The following RASEF variants were observed in gnomAD, a reference collection of about 807,000 sequenced individuals.
RASEF encodes the protein RAS and EF-hand domain containing, also known as ras and EF-hand domain-containing protein.
RASEF carries 68 observed loss-of-function variants against 90.1 expected under a neutral mutation model. The observed-to-expected ratio is 0.75, with a 90% CI of 0.62 to 0.92. The LOEUF is 0.92. Among genes scored for constraint, RASEF ranks in the 40% least tolerant of loss-of-function variants. The pLI is 0.00. For synonymous variants in RASEF, 331 were observed against 345.2 expected (o/e 0.96, Z 0.46); for missense variants, 949 against 937.2 (o/e 1.01, Z -0.16).
At chr9:83,103,731 G>A in the RASEF span, among the ~76,000 whole-genome samples, 15 of 152,236 alleles carry the variant, frequency 9.9e-5, no homozygotes, top group South Asian at 2.9e-3. Flanking sequence ...TTATGATTGT[G>A]AATCAAAAGC....
At chr9:83,096,467 AG>A in the RASEF span, among the ~76,000 whole-genome samples, 1 of 152,118 alleles carries the variant, frequency 6.6e-6, no homozygotes, top group Non-Finnish European at 1.5e-5. Context: ...CGCATGAAAA[AG>A]CACCTGAGGG....
At chr9:83,158,176 A>C in the RASEF span, among the ~76,000 whole-genome samples, 1 of 152,178 alleles carries the variant, frequency 6.6e-6, no homozygotes, top group Non-Finnish European at 1.5e-5. Flanking sequence ...AAAATGGACA[A>C]TCATGCAAGG....
chr9:83,042,474 T>C (rs1829860053), intron 1 of RASEF, among the ~76,000 whole-genome samples: 1 of 152,204 alleles, frequency 6.6e-6, no homozygotes, highest in South Asian at 2.1e-4. Flanking sequence ...CTACTTCTTA[T>C]TTGTATTCAA....
chr9:83,159,430 T>G, the RASEF span, among the ~76,000 whole-genome samples: 1 of 152,152 alleles, frequency 6.6e-6, no homozygotes, highest in Admixed American at 6.5e-5. Context: ...ACTTCAGCTT[T>G]TATGATTTGC....
chr9:83,144,392 G>GAAAGA, the RASEF span, among the ~76,000 whole-genome samples: 32 of 3,458 alleles, frequency 9.3e-3, 2 homozygotes, highest in South Asian at 0.046. Context: ...AGAAAGAAAG[G>GAAAGA]AAAGAAAGAA....
At chr9:83,109,843 T>A in the RASEF span, among the ~76,000 whole-genome samples, 1 of 152,178 alleles carries the variant, frequency 6.6e-6, no homozygotes, top group Non-Finnish European at 1.5e-5. Flanking sequence ...TAAGACTGAA[T>A]TATTTTTCCT....
intron 15 of RASEF, among the ~76,000 whole-genome samples, chr9:82,990,952 C>T (rs896493584): frequency 3.3e-5 from 5 of 152,318 alleles, no homozygotes; most frequent in South Asian, 2.1e-4. Flanking sequence ...ATTATTCAAC[C>T]TCCCAGCCAT....
chr9:83,090,517 C>A, the RASEF span, among the ~76,000 whole-genome samples: 1 of 152,050 alleles, frequency 6.6e-6, no homozygotes, highest in African/African-American at 2.4e-5. Context: ...GATTCTCCTG[C>A]CTCAGAGTCC....
At chr9:83,147,043 T>TATATAC in the RASEF span, among the ~76,000 whole-genome samples, 1 of 88,578 alleles carries the variant, frequency 1.1e-5, no homozygotes, top group Non-Finnish European at 2.6e-5. Context: ...TATATATGTA[T>TATATAC]ATATATATAT....
chr9:83,005,505 AG>A lies in RASEF; in HGVS notation c.1029-6del. 1 of 1,610,430 alleles carries A rather than the reference AG, an allele frequency of 6.2e-7. No homozygotes were observed. Among genetic ancestry groups the A allele is most frequent in the South Asian group, 1.1e-5 (1 of 91,000 alleles). On this transcript the variant is annotated splice_polypyrimidine_tract_variant and splice_region_variant and intron_variant, in intron 7 of 16. Transcript: ENST00000376447. ...TGTAGCTTCCGGTTAGCTGTTCTGC[AG>A]GGTAAAGAAACAAGCAGAAAGAGAG...
At chr9:83,134,708 A>C in the RASEF span, among the ~76,000 whole-genome samples, 1 of 152,284 alleles carries the variant, frequency 6.6e-6, no homozygotes, top group Non-Finnish European at 1.5e-5. Flanking sequence ...AGTTCCTCAA[A>C]ATATTAAACA....
chr9:83,016,577 G>A (rs1226746716), intron 3 of RASEF, among the ~76,000 whole-genome samples: 1 of 152,028 alleles, frequency 6.6e-6, no homozygotes, highest in Non-Finnish European at 1.5e-5. Flanking sequence ...AAAATTCAGT[G>A]TACAAATATT....
the RASEF span, among the ~76,000 whole-genome samples, chr9:83,119,707 A>G: frequency 1.3e-5 from 2 of 152,146 alleles, no homozygotes; most frequent in South Asian, 2.1e-4. Context: ...TGTAGCTCCC[A>G]TAATTCCCAA....
intron 12 of RASEF, among the ~76,000 whole-genome samples, chr9:82,998,749 G>T (rs981288702): frequency 6.6e-6 from 1 of 152,152 alleles, no homozygotes; most frequent in Admixed American, 6.5e-5. Flanking sequence ...GTGTGTGTGT[G>T]TGTGTGGGTG....
intron 1 of RASEF, among the ~76,000 whole-genome samples, chr9:83,057,160 C>G (rs942555112): frequency 1.3e-5 from 2 of 152,182 alleles, no homozygotes; most frequent in African/African-American, 4.8e-5. Context: ...ACCACTCCTT[C>G]TCAATATAGT....
chr9:82,980,387 T>C lies in RASEF; in HGVS notation c.*2290A>G, dbSNP rs1828576717. The C allele has an allele frequency of 6.6e-6, 1 of 152,166 alleles. No individual in the cohort carries two copies. The highest frequency in any genetic ancestry group is 2.1e-4 in the South Asian group (1 of 4,824). 9.4% of individuals were successfully genotyped at this position (152,166 alleles called of 1,614,324 possible). A position where few individuals can be genotyped will look rare whatever the true frequency, so the allele number is the denominator to read the frequency against. ...CATGATTGCTAACCAGAGCTCTAAG[T>C]CTCTAATTTGGATTATGTTACCAAA... On this transcript the variant is annotated 3_prime_UTR_variant, in exon 17 of 17. Coordinates refer to ENST00000376447, the MANE Select transcript of RASEF (RefSeq NM_152573.4).
Position 83,057,588 on chromosome 9 carries a change from G to C in RASEF, c.431+4849C>G, listed in dbSNP as rs550637865. 3.3e-5 allele frequency among the ~76,000 whole-genome samples: 5 copies of C among 152,174 alleles called. No homozygotes were observed. In the East Asian group the frequency reaches 7.7e-4, roughly 24 times the overall value. ...GATCCCGGTTCAGAATCCAGAAAAGGTAAAGAAACTTCCATAAAACCTATG... is the reference window on the plus strand; with the variant it reads ...GATCCCGGTTCAGAATCCAGAAAAGCTAAAGAAACTTCCATAAAACCTATG... On this transcript the variant is annotated intron_variant, in intron 1 of 16. Coordinates refer to ENST00000376447, the MANE Select transcript of RASEF (RefSeq NM_152573.4).
At chr9:83,027,031 T>C (rs1166221328) in intron 1 of RASEF, among the ~76,000 whole-genome samples, 3 of 152,172 alleles carry the variant, frequency 2.0e-5, no homozygotes, top group Admixed American at 6.5e-5. Context: ...TTCAGTTCCA[T>C]ACTTTGCTTA....
chr9:83,092,974 C>T, the RASEF span, among the ~76,000 whole-genome samples: 157 of 152,050 alleles, frequency 1.0e-3, no homozygotes, highest in African/African-American at 3.6e-3. Context: ...GTTTACAAAC[C>T]TTGAGCTAGA....
Sources: allele counts gnomAD v4.1 joint callset (sites outside exome capture counted in the v4.1 genomes callset), GRCh38; gene constraint gnomAD v4.1.1; transcripts MANE v1.5; gene names NCBI Gene and HGNC (gene_info 2026-07-23, HGNC 2026-07-21).